The following LAMA2 variants were observed in gnomAD, a reference collection of about 807,000 sequenced individuals.
The protein encoded by LAMA2 is laminin subunit alpha 2.
In LAMA2, 269 loss-of-function variants were observed where a neutral mutation model predicts 364.8. The ratio of observed to expected loss-of-function variants is 0.74; its 90% CI spans 0.67 to 0.82. LAMA2 has a LOEUF of 0.82. LAMA2 is among the 40% of genes least tolerant of loss of function. The pLI is 0.00. For missense variants in LAMA2, 3,807 were observed against 3,873.2 expected, an observed-to-expected ratio of 0.98 and a Z score of 0.45; for synonymous variants, 1,379 against 1,370.6, an observed-to-expected ratio of 1.01 and a Z score of -0.14.
chr6:129,440,646 A>T (rs561644969), intron 42 of LAMA2, among the ~76,000 whole-genome samples, 170 bp from the exon 43 acceptor site: 1 of 152,308 alleles, frequency 6.6e-6, no homozygotes, highest in South Asian at 2.1e-4. Flanking sequence ...AATTTAATTT[A>T]CCTAAAAAAA....
intron 35 of LAMA2, among the ~76,000 whole-genome samples, chr6:129,388,184 G>A (rs1031778633): frequency 2.6e-5 from 4 of 151,452 alleles, no homozygotes; most frequent in African/African-American, 9.7e-5. Context: ...TTGAACCCAG[G>A]AGGTGCGGTC....
rs1247722922 is a variant in LAMA2, at chr6:129,347,799, T to A, written c.4437-1499T>A. 2.0e-5 allele frequency among the ~76,000 whole-genome samples: 3 copies of A among 152,200 alleles called. No individual in the cohort carries two copies. In the East Asian group the frequency reaches 5.8e-4, roughly 29 times the overall value. The stretch of plus-strand genomic sequence containing the variant: ...GAATCCCTACTCCCTCCAGAAGACC[T>A]TTTATGTGATATAAGGAAACAGTGC... On this transcript the variant is annotated intron_variant, in intron 30 of 64. Transcript: ENST00000421865.
intron 4 of LAMA2, among the ~76,000 whole-genome samples, chr6:129,109,165 C>A (rs1583057677): frequency 6.6e-6 from 1 of 151,906 alleles, no homozygotes; most frequent in East Asian, 1.9e-4. Context: ...ATGGATAGGA[C>A]AAGATTTCTC....
At chr6:129,234,266 T>C (rs1268237949) in intron 12 of LAMA2, among the ~76,000 whole-genome samples, 4 of 152,214 alleles carry the variant, frequency 2.6e-5, no homozygotes, top group African/African-American at 9.6e-5. Flanking sequence ...CAGTAATTAA[T>C]GTCCAAATAT....
intron 4 of LAMA2, among the ~76,000 whole-genome samples, chr6:129,115,710 A>G (rs1776437181): frequency 6.6e-6 from 1 of 152,032 alleles, no homozygotes; most frequent in Non-Finnish European, 1.5e-5. Context: ...AGGGCCTTTG[A>G]AATCAGGCCT....
chr6:129,060,169 T>C (rs1048435563), intron 3 of LAMA2, among the ~76,000 whole-genome samples: 3 of 152,220 alleles, frequency 2.0e-5, no homozygotes, highest in Non-Finnish European at 4.4e-5. Context: ...GACTTAATGA[T>C]GAAAATATGG....
At chr6:129,024,100 T>G (rs567500289) in intron 1 of LAMA2, among the ~76,000 whole-genome samples, 1 of 152,284 alleles carries the variant, frequency 6.6e-6, no homozygotes, top group Non-Finnish European at 1.5e-5. Flanking sequence ...CTGGGAAAAG[T>G]CCGGTCTCTT....
intron 40 of LAMA2, among the ~76,000 whole-genome samples, chr6:129,412,233 G>A (rs183135975): frequency 3.9e-5 from 6 of 152,294 alleles, no homozygotes; most frequent in African/African-American, 1.4e-4. Context: ...TCCAAAGGCA[G>A]TTTGGAGGCA....
At chr6:129,505,100 C>A in intron 60 of LAMA2, 100 bp from the exon 61 acceptor site, 1 of 1,064,628 alleles carries the variant, frequency 9.4e-7, no homozygotes, top group Admixed American at 1.7e-5. Context: ...TACATTGTTT[C>A]AATTTTTCTT....
chr6:129,451,086 C>G (rs1284254123), intron 45 of LAMA2, among the ~76,000 whole-genome samples: 1 of 152,144 alleles, frequency 6.6e-6, no homozygotes, highest in Non-Finnish European at 1.5e-5. Flanking sequence ...TCTCTAATCC[C>G]TTGGATGACC....
chr6:129,035,302 T>TTTTC (rs1491391036), intron 1 of LAMA2, among the ~76,000 whole-genome samples: 1 of 125,248 alleles, frequency 8.0e-6, no homozygotes, highest in African/African-American at 4.2e-5. Flanking sequence ...TTTTCTTTTC[T>TTTTC]TTTTTTTTTT....
intron 1 of LAMA2, among the ~76,000 whole-genome samples, chr6:128,915,602 G>A (rs576200205): frequency 4.9e-4 from 74 of 152,286 alleles, no homozygotes; most frequent in African/African-American, 1.7e-3. Context: ...CCTTCATGCT[G>A]TGTGAGCACT....
chr6:129,224,903 G>A (rs1784139662), intron 12 of LAMA2, among the ~76,000 whole-genome samples: 2 of 152,150 alleles, frequency 1.3e-5, no homozygotes, highest in African/African-American at 4.8e-5. Flanking sequence ...GTTTCAGAAG[G>A]AATGGTACCA....
intron 1 of LAMA2, among the ~76,000 whole-genome samples, chr6:129,011,612 A>G (rs1175452036): frequency 6.6e-6 from 1 of 152,124 alleles, no homozygotes; most frequent in Admixed American, 6.5e-5. Flanking sequence ...GGAGGTGGCA[A>G]TAGTGTGCTT....
At chr6:129,349,531 G>A (rs1453309068) in intron 31 of LAMA2, 147 bp downstream of exon 31, 11 of 695,926 alleles carry the variant, frequency 1.6e-5, no homozygotes, top group Non-Finnish European at 7.5e-6. Flanking sequence ...AAAACCACTT[G>A]TGTATCTTAG....
chr6:129,045,166 C>G (rs1787388353), intron 1 of LAMA2, among the ~76,000 whole-genome samples: 1 of 152,010 alleles, frequency 6.6e-6, no homozygotes, highest in South Asian at 2.1e-4. Flanking sequence ...GCAACTATTC[C>G]CTGACCATAA....
chr6:129,241,495 AT>A (rs1374564765), intron 12 of LAMA2, among the ~76,000 whole-genome samples: 1 of 152,132 alleles, frequency 6.6e-6, no homozygotes. Flanking sequence ...TTTTATGTTT[AT>A]TTTCTCATTT....
At chr6:129,392,901 G>A (rs548198028) in intron 36 of LAMA2, 144 bp from the exon 37 acceptor site, 4 of 636,294 alleles carry the variant, frequency 6.3e-6, no homozygotes, top group African/African-American at 3.6e-5. Context: ...ACTTGATTTA[G>A]CACACAGTGA....
At chr6:129,278,947 A>C (rs1463635738) in intron 17 of LAMA2, among the ~76,000 whole-genome samples, 1 of 152,188 alleles carries the variant, frequency 6.6e-6, no homozygotes, top group Non-Finnish European at 1.5e-5. Context: ...TCTGATCTGC[A>C]CCAAAGTTAA....
Sources: gnomAD v4.1 joint callset for allele counts (sites outside exome capture counted in the v4.1 genomes callset) on GRCh38, gnomAD v4.1.1 for gene constraint, MANE v1.5 for transcripts, NCBI Gene and HGNC (gene_info 2026-07-23, HGNC 2026-07-21) for gene names.